DIP2A: variants seen among roughly 807,000 people sequenced by gnomAD.
DIP2A encodes the protein DIP2 acetate--CoA ligase A.
Under a neutral mutation model 177.4 loss-of-function variants are expected in DIP2A, and 85 were observed. The observed-to-expected ratio is 0.48, with a 90% confidence interval of 0.40 to 0.57. The LOEUF (loss-of-function observed/expected upper bound fraction) is 0.57, where lower values mean the gene tolerates loss of function less well. Ranked by LOEUF, DIP2A falls within the 20% of genes least tolerant of loss-of-function variation. DIP2A has a pLI of 0.00. For synonymous variants in DIP2A, 886 were observed against 881.8 expected (o/e 1.00, Z -0.08); for missense variants, 1,791 against 2,100.2 (o/e 0.85, Z 2.88).
At chr21:46,490,974 GTCT>G (rs969751286) in intron 3 of DIP2A, among the ~76,000 whole-genome samples, 5 of 152,176 alleles carry the variant, frequency 3.3e-5, no homozygotes, top group African/African-American at 1.2e-4. Context: ...CTCTAGAGAA[GTCT>G]TCTTCTCACT....
chr21:46,534,779 A>C (rs1238230119), intron 13 of DIP2A, 92 bp downstream of exon 13: 1 of 1,133,264 alleles, frequency 8.8e-7, no homozygotes, highest in Non-Finnish European at 1.3e-6. Context: ...CACCTGTCAA[A>C]ACCACCCCTG....
chr21:46,514,841 A>T (rs1041409132), intron 8 of DIP2A, among the ~76,000 whole-genome samples: 12 of 151,924 alleles, frequency 7.9e-5, no homozygotes, highest in Non-Finnish European at 1.0e-4. Flanking sequence ...GTTTGTTAAA[A>T]GTTGTTATCA....
At position 46,490,600 on chromosome 21, in the gene DIP2A, G is replaced by T. The variant is rs758131442; in HGVS notation, c.164G>T (p.Gly55Val). Residue 55 changes from glycine to valine, a missense_variant and splice_region_variant, in exon 3 of 38, where the codon GGA (glycine) becomes GTA (valine). Coordinates refer to ENST00000417564, the MANE Select transcript of DIP2A (RefSeq NM_015151.4). ...LLARYIPLIQ[G>V]IDPSLQAENR... ...GTATTCCCATAAAATTGTGTTTCAG[G>T]AATAGACCCATCTCTGCAAGCAGAG... The T allele has an allele frequency of 6.4e-7, 1 of 1,560,244 alleles. No homozygotes were observed. The highest frequency in any genetic ancestry group is 8.7e-7 in the Non-Finnish European group (1 of 1,152,218).
In DIP2A at chr21:46,554,419, T is replaced by C. The variant is rs972070235; in HGVS notation, c.3154+127T>C. 7 of 1,548,128 alleles carry C rather than the reference T, an allele frequency of 4.5e-6. No homozygotes were observed. In the East Asian group the frequency reaches 1.6e-4, roughly 35 times the overall value. On this transcript the variant is annotated intron_variant, in intron 26 of 37. Transcript: ENST00000417564. ...AAGCTCAGCCCCTCCTCTCTGCATG[T>C]GTCTGCCTCCTCAGCTCAGCTACCC...
chr21:46,474,156 G>A (rs554852997), intron 1 of DIP2A, among the ~76,000 whole-genome samples: 1 of 152,234 alleles, frequency 6.6e-6, no homozygotes, highest in East Asian at 1.9e-4. Context: ...CAGTAAAGGA[G>A]GGTCTAGGGT....
At chr21:46,554,786 G>GGGGGGGGGGGGGGGCCCCCCCC in intron 27 of DIP2A, 36 bp from the exon 28 acceptor site, 1 of 1,519,062 alleles carries the variant, frequency 6.6e-7, no homozygotes, top group Non-Finnish European at 8.8e-7. Context: ...AGCTTGAGAG[G>GGGGGGGGGGGGGGGCCCCCCCC]CCCCGCCCAC....
the DIP2A span, among the ~76,000 whole-genome samples, chr21:46,581,115 C>T: frequency 1.3e-5 from 2 of 152,174 alleles, no homozygotes; most frequent in African/African-American, 4.8e-5. Context: ...TACATAATCT[C>T]ATAGATCTCA....
At chr21:46,565,980 T>C in intron 36 of DIP2A, 93 bp downstream of exon 36, 1 of 1,433,682 alleles carries the variant, frequency 7.0e-7, no homozygotes, top group South Asian at 1.3e-5. Flanking sequence ...ACCTCACTCC[T>C]TGCTGTGGTC....
chr21:46,462,060 T>C (rs2054367144), intron 1 of DIP2A, among the ~76,000 whole-genome samples: 1 of 152,038 alleles, frequency 6.6e-6, no homozygotes, highest in African/African-American at 2.4e-5. Context: ...AAAAAAGTGT[T>C]AAAGGGAAGA....
Position 46,537,360 on chromosome 21 carries a change from G to A in DIP2A, c.1707+72G>A. The A allele has an allele frequency of 1.2e-6, 2 of 1,610,606 alleles. No homozygotes were observed. The highest frequency in any genetic ancestry group is 3.3e-5 in the Admixed American group (2 of 60,002). ...ATGAACCCAAGCCTCTGCCTGAAAT[G>A]TTGTTGGGAGAGTACATCGGTTTTG... On this transcript the variant is annotated intron_variant, in intron 14 of 37. Coordinates refer to ENST00000417564, the MANE Select transcript of DIP2A (RefSeq NM_015151.4). This position sits in a 1 kb window ranked among gnomAD's most constrained non-coding sequence, Gnocchi z 4.1.
intron 1 of DIP2A, among the ~76,000 whole-genome samples, chr21:46,464,883 G>C (rs2054676181): frequency 7.7e-6 from 1 of 129,470 alleles, no homozygotes; most frequent in African/African-American, 3.0e-5. Context: ...ATGAGATAGG[G>C]AAGTTCTCCT....
chr21:46,489,161 AT>A (rs1445912859), intron 2 of DIP2A, among the ~76,000 whole-genome samples: 6 of 152,234 alleles, frequency 3.9e-5, no homozygotes, highest in Non-Finnish European at 1.5e-5. Context: ...GTATGCTCAC[AT>A]TTTGAAGGGC....
Position 46,568,757 on chromosome 21 carries a change from G to A in DIP2A, c.*1135G>A, listed in dbSNP as rs2060901743. ...TACTGATTTATTATTTTTATTCCAA[G>A]TCAGCAGATTTGGAAGCATTGTGGT... On this transcript the variant is annotated 3_prime_UTR_variant, in exon 38 of 38. Coordinates refer to ENST00000417564, the MANE Select transcript of DIP2A (RefSeq NM_015151.4). 2 of 152,130 alleles carry A rather than the reference G, an allele frequency of 1.3e-5. No individual in the cohort carries two copies. Among genetic ancestry groups the A allele is most frequent in the South Asian group, 4.1e-4 (2 of 4,824 alleles). 9.4% of individuals were successfully genotyped at this position (152,130 alleles called of 1,614,324 possible). A position where few individuals can be genotyped will look rare whatever the true frequency, so the allele number is the denominator to read the frequency against.
At chr21:46,497,704 T>C (rs1330285508) in intron 4 of DIP2A, among the ~76,000 whole-genome samples, 1 of 152,246 alleles carries the variant, frequency 6.6e-6, no homozygotes, top group East Asian at 1.9e-4. Context: ...TGTTGTCATA[T>C]ATTTAAAGTA....
At chr21:46,536,543 C>T (rs2059579271) in intron 13 of DIP2A, among the ~76,000 whole-genome samples, 1 of 152,158 alleles carries the variant, frequency 6.6e-6, no homozygotes, top group South Asian at 2.1e-4. Context: ...GTAAGAATAT[C>T]CCTGACAGTT....
At position 46,490,672 on chromosome 21, in the gene DIP2A, A is replaced by G. The variant is rs1292929962; in HGVS notation, c.236A>G (p.Gln79Arg). ...CAAACCACGGCCGCTGCACCCAAGC[A>G]GCAGAAGTCTCGGCCCACCGCCTCG... ...PSQTTAAAPK[Q>R]QKSRPTASRD... The change falls in exon 3 of 38, where the codon CAG (glutamine) becomes CGG (arginine). Residue 79 changes from glutamine to arginine, a missense_variant. Coordinates refer to ENST00000417564, the MANE Select transcript of DIP2A (RefSeq NM_015151.4). 12 of 1,590,688 alleles carry G rather than the reference A, an allele frequency of 7.5e-6. No homozygotes were observed. Among genetic ancestry groups the G allele is most frequent in the Non-Finnish European group, 1.0e-5 (12 of 1,168,544 alleles).
chr21:46,518,043 A>G (rs1340418343), intron 8 of DIP2A, among the ~76,000 whole-genome samples: 1 of 152,256 alleles, frequency 6.6e-6, no homozygotes, highest in Non-Finnish European at 1.5e-5. Context: ...ACTCGGAAGC[A>G]GAGTCTTCCA....
chr21:46,511,606 T>C lies in DIP2A; in HGVS notation c.1094T>C (p.Leu365Pro). 6.5e-7 allele frequency: 1 copy of C among 1,536,020 alleles called. No homozygotes were observed. The highest frequency in any genetic ancestry group is 8.7e-7 in the Non-Finnish European group (1 of 1,145,076). The change falls in exon 8 of 38, where the codon CTC (leucine) becomes CCC (proline). Residue 365 changes from leucine (L) to proline (P), a missense_variant. Coordinates refer to ENST00000417564, the MANE Select transcript of DIP2A (RefSeq NM_015151.4). The stretch of plus-strand genomic sequence containing the variant: ...ACAACTGGGAAAGCCGTCTACACTC[T>C]CACCTATGGCAAGTGTTAACAGAAA... ...LDTTGKAVYT[L>P]TYGKLWSRSL...
rs58453285 is a variant in DIP2A at position 46,527,325 on chromosome 21, G to GTTTTTT, written c.1103-1752_1103-1747dup. Among the ~76,000 whole-genome samples the GTTTTTT allele has an allele frequency of 5.8e-4, 61 of 105,570 alleles. 3 individuals are homozygous for GTTTTTT. The highest frequency in any genetic ancestry group is 8.8e-4 in the East Asian group (3 of 3,422). 69.3% of individuals were successfully genotyped at this position (105,570 alleles called of 152,430 possible). A position where few individuals can be genotyped will look rare whatever the true frequency, so the allele number is the denominator to read the frequency against. ...GGCTAAAACAGTGGTTTGAGTTGAG[G>GTTTTTT]TTTTTTTTTTTTTTTTTTTTGAGAG... is the stretch of plus-strand genomic sequence containing the variant. On this transcript the variant is annotated intron_variant, in intron 8 of 37. Coordinates refer to ENST00000417564, the MANE Select transcript of DIP2A (RefSeq NM_015151.4).
Sources: gnomAD v4.1 joint callset for allele counts (sites outside exome capture counted in the v4.1 genomes callset) on GRCh38, gnomAD v4.1.1 for gene constraint, Gnocchi (gnomAD v3.1) non-coding constraint, MANE v1.5 for transcripts, NCBI Gene and HGNC (gene_info 2026-07-23, HGNC 2026-07-21) for gene names.